PTPRM: variants seen among roughly 807,000 people sequenced by gnomAD.
PTPRM encodes protein tyrosine phosphatase receptor type M, also known as receptor-type tyrosine-protein phosphatase mu.
A neutral mutation model predicts 186.7 loss-of-function variants in PTPRM; 47 were observed. The ratio of observed to expected loss-of-function variants is 0.25; its 90% CI spans 0.20 to 0.32. The LOEUF (loss-of-function observed/expected upper bound fraction) is 0.32. Among genes scored for constraint, PTPRM ranks in the 10% least tolerant of loss-of-function variants. The pLI, the probability that PTPRM is intolerant of heterozygous loss-of-function variation, is 1.00. For missense variants in PTPRM, 1,494 were observed against 1,865.0 expected (o/e 0.80, Z 3.66); for synonymous variants, 668 against 674.9 (o/e 0.99, Z 0.16).
At chr18:8,264,095 G>A (rs1021170687) in intron 19 of PTPRM, among the ~76,000 whole-genome samples, 1 of 152,130 alleles carries the variant, frequency 6.6e-6, no homozygotes, top group Admixed American at 6.5e-5. Context: ...GAGTGGAAGC[G>A]AATGAGAGGA....
intron 1 of PTPRM, among the ~76,000 whole-genome samples, chr18:7,613,392 C>A (rs1011571286): frequency 1.3e-5 from 2 of 152,028 alleles, no homozygotes; most frequent in South Asian, 4.1e-4. Context: ...TTGAAAATAC[C>A]GGCCAGGCGC....
At chr18:7,675,387 C>T (rs1463855339) in intron 1 of PTPRM, among the ~76,000 whole-genome samples, 1 of 152,060 alleles carries the variant, frequency 6.6e-6, no homozygotes, top group East Asian at 1.9e-4. Flanking sequence ...ATCCGCTGTG[C>T]GAGAGCCCTT....
At chr18:7,609,636 C>A (rs1355678807) in intron 1 of PTPRM, among the ~76,000 whole-genome samples, 10 of 151,472 alleles carry the variant, frequency 6.6e-5, no homozygotes, top group African/African-American at 2.4e-4. Context: ...CCCCTCTTCT[C>A]TTCATTTGCT....
intron 2 of PTPRM, among the ~76,000 whole-genome samples, chr18:7,792,056 A>G (rs1264720745): frequency 3.3e-5 from 5 of 152,224 alleles, no homozygotes; most frequent in Non-Finnish European, 7.3e-5. Flanking sequence ...ATATCATTGA[A>G]TAAATGTCAG....
chr18:8,248,467 G>T, intron 17 of PTPRM: 1 of 476,830 alleles, frequency 2.1e-6, no homozygotes, highest in Non-Finnish European at 3.9e-6. Flanking sequence ...TTTAAAGTTA[G>T]GTCTGATCCC....
chr18:8,076,610 A>G (rs2089832135), intron 9 of PTPRM, 46 bp downstream of exon 9: 2 of 995,222 alleles, frequency 2.0e-6, no homozygotes, highest in African/African-American at 1.6e-5. Context: ...AATACTCATG[A>G]TCATGATAAT....
intron 9 of PTPRM, among the ~76,000 whole-genome samples, chr18:8,076,814 A>G (rs528581561): frequency 6.6e-5 from 10 of 152,262 alleles, no homozygotes; most frequent in Non-Finnish European, 1.3e-4. Context: ...GTTAAGACAC[A>G]GCATTACATT....
At position 7,717,671 on chromosome 18, in the gene PTPRM, C is replaced by T. The variant is rs71362003; in HGVS notation, c.74-56478C>T. ...CACTTAAGTCATCTGTGGACAGCAG[C>T]GTTAAAAGAGCACTGAAGCCTCTGG... On this transcript the variant is annotated intron_variant, in intron 1 of 32. Transcript: ENST00000580170. 2.6e-3 allele frequency among the ~76,000 whole-genome samples: 398 copies of T among 152,340 alleles called. 2 individuals carry two copies. Among genetic ancestry groups the T allele is most frequent in the Non-Finnish European group, 4.9e-3 (331 of 68,030 alleles).
intron 1 of PTPRM, among the ~76,000 whole-genome samples, chr18:7,699,101 G>A (rs2039904655): frequency 1.3e-5 from 2 of 152,048 alleles, no homozygotes; most frequent in Non-Finnish European, 1.5e-5. Context: ...ATAGGAGCAC[G>A]AACTCTTTTG....
intron 1 of PTPRM, among the ~76,000 whole-genome samples, chr18:7,677,946 T>A (rs2039385774): frequency 1.3e-5 from 2 of 152,088 alleles, no homozygotes. Context: ...GAATGTTAGG[T>A]CCACAGAGAC....
chr18:8,173,591 A>G (rs958468505), intron 14 of PTPRM, among the ~76,000 whole-genome samples: 2 of 152,228 alleles, frequency 1.3e-5, no homozygotes, highest in African/African-American at 4.8e-5. Context: ...GAGGTCGGCT[A>G]TGCCATGTAG....
intron 20 of PTPRM, among the ~76,000 whole-genome samples, chr18:8,313,835 T>A (rs139717810): frequency 6.6e-6 from 1 of 152,068 alleles, no homozygotes; most frequent in Non-Finnish European, 1.5e-5. Context: ...AGTGACAACA[T>A]ACGAAGCACA....
At chr18:8,193,756 G>A (rs2093738913) in intron 14 of PTPRM, among the ~76,000 whole-genome samples, 1 of 152,222 alleles carries the variant, frequency 6.6e-6, no homozygotes, top group Non-Finnish European at 1.5e-5. Flanking sequence ...ACAGGCCAAG[G>A]CTTAAAGAGA....
chr18:8,192,979 G>A (rs1166354539), intron 14 of PTPRM, among the ~76,000 whole-genome samples: 1 of 152,152 alleles, frequency 6.6e-6, no homozygotes, highest in Non-Finnish European at 1.5e-5. Context: ...GAAAGAAAAA[G>A]CAGCTACAGA....
At chr18:7,679,846 A>G (rs2847317) in intron 1 of PTPRM, among the ~76,000 whole-genome samples, 2 of 152,028 alleles carry the variant, frequency 1.3e-5, no homozygotes, top group Non-Finnish European at 2.9e-5. Context: ...TAACTTTGAC[A>G]ATAGACTTTT....
intron 19 of PTPRM, among the ~76,000 whole-genome samples, chr18:8,291,470 C>CA: frequency 6.6e-6 from 1 of 152,138 alleles, no homozygotes. Flanking sequence ...TTGAGAGGAA[C>CA]CCTTCTTTTC....
intron 1 of PTPRM, among the ~76,000 whole-genome samples, chr18:7,618,794 A>C (rs566977221): frequency 6.6e-6 from 1 of 152,372 alleles, no homozygotes; most frequent in Non-Finnish European, 1.5e-5. Context: ...TCTATTCTGC[A>C]GAGGCGATAG....
At chr18:7,926,974 TC>T (rs957545738) in intron 5 of PTPRM, among the ~76,000 whole-genome samples, 1 of 152,112 alleles carries the variant, frequency 6.6e-6, no homozygotes, top group Non-Finnish European at 1.5e-5. Context: ...AGCACTCTTC[TC>T]CTAAGTCTTC....
intron 2 of PTPRM, among the ~76,000 whole-genome samples, chr18:7,835,188 CT>C (rs58193493): frequency 0.094 from 11,996 of 127,508 alleles, 1,217 homozygotes; most frequent in African/African-American, 0.28. Flanking sequence ...TGACATTTTT[CT>C]TTTTTTTTTT....
Sources: gnomAD v4.1 joint callset for allele counts (sites outside exome capture counted in the v4.1 genomes callset) on GRCh38, gnomAD v4.1.1 for gene constraint, MANE v1.5 for transcripts, NCBI Gene and HGNC (gene_info 2026-07-23, HGNC 2026-07-21) for gene names.